SVOP: variants seen among roughly 807,000 people sequenced by gnomAD.
The protein encoded by SVOP is synaptic vesicle 2-related protein.
In SVOP, 17 loss-of-function variants were observed where a neutral mutation model predicts 69.1. The observed-to-expected ratio is 0.25, with a 90% CI of 0.17 to 0.37. SVOP has a LOEUF of 0.37. Among genes scored for constraint, SVOP ranks in the 10% least tolerant of loss-of-function variants. SVOP has a pLI of 1.00. For missense variants in SVOP, 435 were observed against 597.5 expected, an observed-to-expected ratio of 0.73 and a Z score of 2.84; for synonymous variants, 238 against 238.6, an observed-to-expected ratio of 1.00 and a Z score of 0.02.
chr12:108,909,071 T>C lies in SVOP; in HGVS notation c.*3464A>G, dbSNP rs2039664331. 6.6e-6 allele frequency: 1 copy of C among 152,242 alleles called. No individual in the cohort carries two copies. 9.4% of individuals were successfully genotyped at this position (152,242 alleles called of 1,614,324 possible). A position where few individuals can be genotyped will look rare whatever the true frequency, so the allele number is the denominator to read the frequency against. Reference sequence around the variant, plus strand: ...ATGTCCAGCACAGGGGCAGCCATTTTGTGACCATGAGGTTTCAAGCACAGG... The same window carrying C: ...ATGTCCAGCACAGGGGCAGCCATTTCGTGACCATGAGGTTTCAAGCACAGG... On this transcript the variant is annotated 3_prime_UTR_variant, in exon 16 of 16. Coordinates refer to ENST00000610966, the MANE Select transcript of SVOP (RefSeq NM_018711.5).
At chr12:108,927,503 C>T (rs1443942349) in intron 11 of SVOP, among the ~76,000 whole-genome samples, 1 of 152,028 alleles carries the variant, frequency 6.6e-6, no homozygotes, top group African/African-American at 2.4e-5. Flanking sequence ...CCCTTCCCCC[C>T]AAATATAAGC....
chr12:108,918,094 T>C lies in SVOP; in HGVS notation c.1299A>G (p.Ala433=). Residue 433 remains alanine, a synonymous_variant, in exon 14 of 16, where the codon GCA becomes GCG. Transcript: ENST00000610966. The stretch of plus-strand genomic sequence containing the variant: ...GAAAGCCTCCAGAAATAAACGCTCT[T>C]GCAATGAAGAGTAACAGAGTGAGCA... ...RNVLTLLLFI[A]RAFISGGFQA... is the part of the protein sequence containing the mutation. 6.3e-7 allele frequency: 1 copy of C among 1,579,072 alleles called. No individual in the cohort carries two copies. The highest frequency in any genetic ancestry group is 8.6e-7 in the Non-Finnish European group (1 of 1,162,150).
intron 6 of SVOP, among the ~76,000 whole-genome samples, chr12:108,946,690 TTTATTATTATTATTATTATTA>T (rs370752888): frequency 5.1e-5 from 7 of 136,518 alleles, no homozygotes; most frequent in Admixed American, 1.5e-4. Flanking sequence ...GCAACCTGTT[TTTATTATTATTATTATTATTA>T]TTATTATTAT....
chr12:108,934,117 G>A (rs2039841369), intron 11 of SVOP, 78 bp downstream of exon 11: 18 of 1,263,774 alleles, frequency 1.4e-5, no homozygotes, highest in Non-Finnish European at 1.9e-5. Flanking sequence ...CAGAGCCTGG[G>A]GTGGGAGTGT....
chr12:108,925,224 C>T (rs915368470), intron 11 of SVOP, among the ~76,000 whole-genome samples: 2 of 152,212 alleles, frequency 1.3e-5, no homozygotes, highest in East Asian at 1.9e-4. Context: ...GTCGGATCTT[C>T]AGTGTGAACT....
chr12:108,916,956 A>C (rs1363557106), intron 14 of SVOP, among the ~76,000 whole-genome samples: 1 of 152,222 alleles, frequency 6.6e-6, no homozygotes, highest in Non-Finnish European at 1.5e-5. Context: ...CATGTTACCC[A>C]GGTTGGTCTT....
At chr12:108,976,140 G>A (rs772333915) in intron 4 of SVOP, among the ~76,000 whole-genome samples, 15 of 151,990 alleles carry the variant, frequency 9.9e-5, no homozygotes, top group African/African-American at 3.1e-4. Flanking sequence ...CTCCCATTTC[G>A]CAGGCCACAA....
intron 1 of SVOP, among the ~76,000 whole-genome samples, chr12:108,988,351 T>A (rs1201453177): frequency 6.6e-6 from 1 of 152,228 alleles, no homozygotes; most frequent in East Asian, 1.9e-4. Context: ...TATTTTCTTC[T>A]CAACTTTTAT....
At chr12:108,933,973 T>C (rs993769657) in intron 11 of SVOP, among the ~76,000 whole-genome samples, 3 of 152,228 alleles carry the variant, frequency 2.0e-5, no homozygotes, top group African/African-American at 7.2e-5. Context: ...GTTTTAACAG[T>C]GCGAACTTCA....
chr12:108,956,058 T>A (rs1350490919), intron 6 of SVOP, among the ~76,000 whole-genome samples: 1 of 152,064 alleles, frequency 6.6e-6, no homozygotes, highest in East Asian at 1.9e-4. Flanking sequence ...CCCAGCACTT[T>A]GGGAGGCTGA....
intron 1 of SVOP, among the ~76,000 whole-genome samples, chr12:108,991,784 C>CAA (rs369772563): frequency 0.83 from 123,038 of 147,698 alleles, 51,905 homozygotes; most frequent in Middle Eastern, 0.92. Context: ...CAAAAAAAAA[C>CAA]AAAAAAAAAA....
chr12:108,991,088 C>A (rs1264264048), intron 1 of SVOP, among the ~76,000 whole-genome samples: 1 of 152,206 alleles, frequency 6.6e-6, no homozygotes, highest in Non-Finnish European at 1.5e-5. Context: ...TGGGCGTCTA[C>A]AACTCACCGT....
chr12:108,986,850 T>C (rs897402464), intron 1 of SVOP, among the ~76,000 whole-genome samples: 1 of 152,134 alleles, frequency 6.6e-6, no homozygotes, highest in African/African-American at 2.4e-5. Flanking sequence ...AGACTATTAT[T>C]ATCCCCACTG....
At position 108,948,116 on chromosome 12, in the gene SVOP, T is replaced by C. The variant is rs578225505; in HGVS notation, c.579-2950A>G. On this transcript the variant is annotated intron_variant, in intron 6 of 15. Transcript: ENST00000610966. ...GTATAAAAGGCCCATCCCCTGGCAT[T>C]GGGGGAGGGGTGGGGGTCAGATCCT... Among the ~76,000 whole-genome samples, 268 of 151,998 alleles carry C rather than the reference T, an allele frequency of 1.8e-3. 2 individuals carry two copies. The highest frequency in any genetic ancestry group is 3.3e-3 in the South Asian group (16 of 4,798).
intron 6 of SVOP, among the ~76,000 whole-genome samples, chr12:108,957,107 C>G (rs2039989657): frequency 6.6e-6 from 1 of 152,060 alleles, no homozygotes; most frequent in Admixed American, 6.5e-5. Context: ...CTCGGTGGGT[C>G]TAGAGGTCCT....
chr12:108,932,835 G>C (rs964026437), intron 11 of SVOP, among the ~76,000 whole-genome samples: 4 of 152,080 alleles, frequency 2.6e-5, no homozygotes, highest in Non-Finnish European at 5.9e-5. Context: ...TCAACAGACA[G>C]CAGACCCTGA....
At chr12:108,991,386 G>A (rs1404138130) in intron 1 of SVOP, among the ~76,000 whole-genome samples, 2 of 152,070 alleles carry the variant, frequency 1.3e-5, no homozygotes, top group Admixed American at 6.5e-5. Context: ...GATTGCTTGA[G>A]ACCAGGAGTT....
chr12:108,936,705 G>A (rs1303152507), intron 10 of SVOP, among the ~76,000 whole-genome samples: 6 of 152,244 alleles, frequency 3.9e-5, no homozygotes, highest in East Asian at 3.9e-4. Context: ...CAAACTGCTG[G>A]CCTCGAGAGA....
intron 1 of SVOP, among the ~76,000 whole-genome samples, chr12:109,013,783 T>C (rs2040354598): frequency 6.6e-6 from 1 of 152,166 alleles, no homozygotes. Flanking sequence ...CAGAACTCTT[T>C]TCATTTTGCA....
Sources: allele counts gnomAD v4.1 joint callset (sites outside exome capture counted in the v4.1 genomes callset), GRCh38; gene constraint gnomAD v4.1.1; transcripts MANE v1.5; gene names NCBI Gene and HGNC (gene_info 2026-07-23, HGNC 2026-07-21).